The following CAMSAP2 variants were observed in gnomAD, a reference collection of about 807,000 sequenced individuals.
CAMSAP2 encodes calmodulin-regulated spectrin-associated protein 2.
Under a neutral mutation model 146.1 loss-of-function variants are expected in CAMSAP2, and 26 were observed. That is an observed-to-expected ratio of 0.18 (90% CI 0.13 to 0.25). The LOEUF (loss-of-function observed/expected upper bound fraction) is 0.25. Among genes scored for constraint, CAMSAP2 ranks in the 10% least tolerant of loss-of-function variants. The probability of loss-of-function intolerance (pLI) is 1.00; values close to 1 mark genes in which losing one functional copy is unlikely to be tolerated. For missense variants in CAMSAP2, 1,381 were observed against 1,759.3 expected (o/e 0.78, Z 3.85); for synonymous variants, 499 against 596.6 (o/e 0.84, Z 2.38).
chr1:200,852,828 C>G (rs1291201359), intron 12 of CAMSAP2, 151 bp downstream of exon 12: 2 of 733,840 alleles, frequency 2.7e-6, no homozygotes, highest in East Asian at 6.0e-5. Context: ...AGATAGACAG[C>G]TGGATCAATG....
chr1:200,766,144 T>C (rs867847641), intron 2 of CAMSAP2, among the ~76,000 whole-genome samples: 4,206 of 147,350 alleles, frequency 0.029, 84 homozygotes, highest in Non-Finnish European at 0.044. Context: ...AAGTAGCTCT[T>C]TTTTTTTTTT....
At chr1:200,824,772 A>C (rs1666862264) in intron 4 of CAMSAP2, among the ~76,000 whole-genome samples, 1 of 152,160 alleles carries the variant, frequency 6.6e-6, no homozygotes, top group Admixed American at 6.5e-5. Flanking sequence ...TGAGGTCAGA[A>C]GTTTGAGACC....
chr1:200,856,339 C>T (rs1667751651), intron 15 of CAMSAP2, among the ~76,000 whole-genome samples: 1 of 152,182 alleles, frequency 6.6e-6, no homozygotes, highest in South Asian at 2.1e-4. Flanking sequence ...CAATGCTGGC[C>T]ATTTCTGTGT....
At chr1:200,747,113 G>T (rs1260477061) in intron 1 of CAMSAP2, among the ~76,000 whole-genome samples, 1 of 152,072 alleles carries the variant, frequency 6.6e-6, no homozygotes, top group Non-Finnish European at 1.5e-5. Context: ...TGCCCAAGCT[G>T]GTCTTGAACT....
At chr1:200,855,155 C>T (rs1392780301) in intron 14 of CAMSAP2, among the ~76,000 whole-genome samples, 1 of 151,410 alleles carries the variant, frequency 6.6e-6, no homozygotes, top group Non-Finnish European at 1.5e-5. Context: ...AGCTATGAAA[C>T]ATTAACAGTA....
At position 200,739,292 on chromosome 1, in the gene CAMSAP2, C is replaced by T. The variant is rs905623279; in HGVS notation, c.-536C>T. Among the ~76,000 whole-genome samples the T allele has an allele frequency of 6.6e-6, 1 of 152,148 alleles. No individual in the cohort carries two copies. The highest frequency in any genetic ancestry group is 2.4e-5 in the African/African-American group (1 of 41,462). ...CGCCCCGCGCTTCCCCCTCGTCCTG[C>T]TCGTCCCTCCGCCCACCCGGGGCCT... On this transcript the variant is annotated 5_prime_UTR_variant, in exon 1 of 17. Transcript: ENST00000358823. The surrounding 1 kb of genome is among the most constrained non-coding windows in gnomAD (Gnocchi z 4.8).
chr1:200,856,490 G>T (rs927785576), intron 15 of CAMSAP2, among the ~76,000 whole-genome samples: 1 of 152,156 alleles, frequency 6.6e-6, no homozygotes, highest in African/African-American at 2.4e-5. Flanking sequence ...GTATTAAGAG[G>T]CTCTAAAAGA....
chr1:200,818,226 G>A (rs1455679403), intron 4 of CAMSAP2, among the ~76,000 whole-genome samples: 1 of 152,040 alleles, frequency 6.6e-6, no homozygotes, highest in Non-Finnish European at 1.5e-5. Context: ...TTTATATGAT[G>A]ACAGAGGGCC....
At chr1:200,806,414 A>G (rs966622135) in intron 2 of CAMSAP2, among the ~76,000 whole-genome samples, 1 of 152,192 alleles carries the variant, frequency 6.6e-6, no homozygotes, top group Non-Finnish European at 1.5e-5. Context: ...AAAGTGAATA[A>G]TATCTAATGT....
At chr1:200,845,424 C>G (rs191436449) in intron 8 of CAMSAP2, among the ~76,000 whole-genome samples, 3 of 152,096 alleles carry the variant, frequency 2.0e-5, no homozygotes, top group African/African-American at 7.2e-5. Flanking sequence ...GGGAATAATT[C>G]CCCAAAGCAG....
At chr1:200,769,908 C>G (rs1215701920) in intron 2 of CAMSAP2, among the ~76,000 whole-genome samples, 1 of 152,184 alleles carries the variant, frequency 6.6e-6, no homozygotes, top group African/African-American at 2.4e-5. Context: ...AGATTCCTGC[C>G]TTGGGGCAGG....
At chr1:200,741,022 G>A (rs968222308) in intron 1 of CAMSAP2, among the ~76,000 whole-genome samples, 4 of 152,134 alleles carry the variant, frequency 2.6e-5, no homozygotes. Flanking sequence ...GGGGGAGGGT[G>A]ACTAATTTCC....
chr1:200,792,915 G>A (rs566581383), intron 2 of CAMSAP2, among the ~76,000 whole-genome samples: 5 of 152,200 alleles, frequency 3.3e-5, no homozygotes, highest in Admixed American at 2.6e-4. Flanking sequence ...GGGGAAACTG[G>A]GTCTATGGTA....
chr1:200,808,115 G>A (rs1043760034), intron 3 of CAMSAP2, among the ~76,000 whole-genome samples: 1 of 152,134 alleles, frequency 6.6e-6, no homozygotes, highest in Non-Finnish European at 1.5e-5. Flanking sequence ...ACTCCTAATA[G>A]TGAACTATAC....
chr1:200,828,254 T>G (rs1666952976), intron 4 of CAMSAP2, among the ~76,000 whole-genome samples: 1 of 152,160 alleles, frequency 6.6e-6, no homozygotes, highest in African/African-American at 2.4e-5. Context: ...TGATATAGAT[T>G]TATTTTTTAA....
At chr1:200,741,923 CT>C (rs1319654246) in intron 1 of CAMSAP2, among the ~76,000 whole-genome samples, 1 of 152,164 alleles carries the variant, frequency 6.6e-6, no homozygotes, top group Admixed American at 6.5e-5. Context: ...GAGAGGTTAA[CT>C]TTCCTACTAT....
intron 2 of CAMSAP2, among the ~76,000 whole-genome samples, chr1:200,782,368 G>A (rs539203732): frequency 3.3e-5 from 5 of 152,052 alleles, no homozygotes; most frequent in Non-Finnish European, 7.4e-5. Context: ...GAACAGTTTT[G>A]ACAAAGGTAT....
rs183603325 is a variant in CAMSAP2 at position 200,834,338 on chromosome 1, G to C, written c.927+1493G>C. ...AGATGGCACCACTGCATTCCAGCCT[G>C]GGTGACAGAATAAGACTATGTCTCA... On this transcript the variant is annotated intron_variant, in intron 6 of 16. Transcript: ENST00000358823. Among the ~76,000 whole-genome samples, 749 of 152,068 alleles carry C rather than the reference G, an allele frequency of 4.9e-3. 2 individuals carry two copies. The highest frequency in any genetic ancestry group is 7.7e-3 in the Non-Finnish European group (522 of 67,990).
intron 2 of CAMSAP2, among the ~76,000 whole-genome samples, chr1:200,783,715 C>T (rs1319916161): frequency 1.3e-5 from 2 of 152,168 alleles, no homozygotes; most frequent in African/African-American, 4.8e-5. Flanking sequence ...TTTTGAACTC[C>T]TGGGCTCAAG....
Sources: allele counts gnomAD v4.1 joint callset (sites outside exome capture counted in the v4.1 genomes callset), GRCh38; gene constraint gnomAD v4.1.1; non-coding constraint Gnocchi (gnomAD v3.1); transcripts MANE v1.5; gene names NCBI Gene and HGNC (gene_info 2026-07-23, HGNC 2026-07-21).